Variants in CCDC88C observed in about 807,000 individuals in gnomAD.
CCDC88C encodes protein Daple.
In CCDC88C, 131 loss-of-function variants were observed where a neutral mutation model predicts 198.8. The observed-to-expected ratio is 0.66, with a 90% CI of 0.57 to 0.76. CCDC88C has a LOEUF of 0.76. CCDC88C is among the 30% of genes least tolerant of loss of function. The pLI, the probability that CCDC88C is intolerant of heterozygous loss-of-function variation, is 0.00. For missense variants in CCDC88C, 2,553 were observed against 2,631.6 expected (o/e 0.97, Z 0.65); for synonymous variants, 1,166 against 1,114.7 (o/e 1.05, Z -0.92).
chr14:91,387,355 G>C (rs1885207037), intron 3 of CCDC88C, among the ~76,000 whole-genome samples: 1 of 152,158 alleles, frequency 6.6e-6, no homozygotes, highest in South Asian at 2.1e-4. Context: ...TGGAGGTTTG[G>C]CGAATTGGCT....
In CCDC88C at chr14:91,315,713, C is replaced by A. The variant is rs1339127240; in HGVS notation, c.1602G>T (p.Leu534=). The A allele has an allele frequency of 6.2e-7, 1 of 1,613,896 alleles. No homozygotes were observed. Among genetic ancestry groups the A allele is most frequent in the African/African-American group, 1.3e-5 (1 of 75,044 alleles). Residue 534 remains leucine, a synonymous_variant, in exon 14 of 30, where the codon CTG becomes CTT. Coordinates refer to ENST00000389857, the MANE Select transcript of CCDC88C (RefSeq NM_001080414.4). ...TCTGCAGCTGCTCCTTCTCTCTGAT[C>A]AGCTCCTCACTGAGGGTCTCCAGAT... ...NQDLETLSEE[L]IREKEQLQSD... is the part of the protein sequence containing the mutation.
rs948767508 is a variant in CCDC88C, at chr14:91,371,463, C to T, written c.271-11752G>A. 6.6e-6 allele frequency among the ~76,000 whole-genome samples: 1 copy of T among 152,054 alleles called. No homozygotes were observed. The highest frequency in any genetic ancestry group is 2.4e-5 in the African/African-American group (1 of 41,394). ...CATGTGCTGTCCAGGCCCAGCCAACCTCACCCGCCGGTGGCAGGAGTACAG... is the reference window on the plus strand; with the variant it reads ...CATGTGCTGTCCAGGCCCAGCCAACTTCACCCGCCGGTGGCAGGAGTACAG... On this transcript the variant is annotated intron_variant, in intron 3 of 29. Coordinates refer to ENST00000389857, the MANE Select transcript of CCDC88C (RefSeq NM_001080414.4). The surrounding 1 kb of genome is among the most constrained non-coding windows in gnomAD (Gnocchi z 4.2).
intron 4 of CCDC88C, among the ~76,000 whole-genome samples, chr14:91,357,337 G>A (rs543919630): frequency 2.0e-5 from 3 of 152,296 alleles, no homozygotes; most frequent in Non-Finnish European, 2.9e-5. Context: ...CTGCAGCCTC[G>A]ACCTCCTGGG....
chr14:91,308,220 C>T, intron 17 of CCDC88C, 131 bp downstream of exon 17: 1 of 1,060,812 alleles, frequency 9.4e-7, no homozygotes, highest in South Asian at 1.6e-5. Context: ...CCCTCAGTCA[C>T]TCTGTGGCGC....
chr14:91,334,687 CTT>C (rs1892976497), intron 10 of CCDC88C, among the ~76,000 whole-genome samples: 6 of 148,538 alleles, frequency 4.0e-5, no homozygotes, highest in East Asian at 1.9e-4. Context: ...TGGGCACACA[CTT>C]ATTTATTAAA....
intron 2 of CCDC88C, among the ~76,000 whole-genome samples, chr14:91,410,395 A>G (rs1023037890): frequency 6.6e-6 from 1 of 152,176 alleles, no homozygotes; most frequent in Admixed American, 6.5e-5. Context: ...AATCAATCTC[A>G]ATGCCATCTG....
At position 91,339,300 on chromosome 14, in the gene CCDC88C, G is replaced by C. The variant is rs375581445; in HGVS notation, c.787C>G (p.Leu263Val). 1.9e-6 allele frequency: 3 copies of C among 1,613,012 alleles called. No homozygotes were observed. The highest frequency in any genetic ancestry group is 2.7e-5 in the African/African-American group (2 of 74,926). ...CACAGCTCCTGCCTGACGCGCCGCA[G>C]CCTGGCCTTGGTGTCGGCCAGCTCT... Reference protein sequence around the residue: ...AVELADTKARLRRVRQELEDK... With the variant: ...AVELADTKARVRRVRQELEDK... The change falls in exon 8 of 30, where the codon CTG becomes GTG. Residue 263 changes from leucine (L) to valine (V), a missense_variant. Physicochemically the swap from Leu to Val is conservative, Grantham distance 32. Coordinates refer to ENST00000389857, the MANE Select transcript of CCDC88C (RefSeq NM_001080414.4). The surrounding 1 kb of genome is among the most constrained non-coding windows in gnomAD (Gnocchi z 5.8).
At chr14:91,291,784 T>C (rs1384198543) in intron 23 of CCDC88C, among the ~76,000 whole-genome samples, 1 of 152,098 alleles carries the variant, frequency 6.6e-6, no homozygotes, top group African/African-American at 2.4e-5. Context: ...TATTGGAAAT[T>C]GAGCCACTTT....
intron 4 of CCDC88C, among the ~76,000 whole-genome samples, chr14:91,357,583 T>A (rs1211784997): frequency 6.6e-6 from 1 of 152,106 alleles, no homozygotes; most frequent in East Asian, 1.9e-4. Flanking sequence ...GGCTGTCCCC[T>A]CCTTTTGCTC....
At position 91,355,381 on chromosome 14, in the gene CCDC88C, A is replaced by T. The variant is rs138999375; in HGVS notation, c.340+4261T>A. Among the ~76,000 whole-genome samples, 88 of 152,284 alleles carry T rather than the reference A, an allele frequency of 5.8e-4. No homozygotes were observed. In the East Asian group the frequency reaches 8.5e-3, roughly 15 times the overall value. ...CCTCACTATGGGGGCAGGCTCTTATAAGAGCCGTCATATAAAAGTGAGGGC... is the reference window on the plus strand; with the variant it reads ...CCTCACTATGGGGGCAGGCTCTTATTAGAGCCGTCATATAAAAGTGAGGGC... On this transcript the variant is annotated intron_variant, in intron 4 of 29. Coordinates refer to ENST00000389857, the MANE Select transcript of CCDC88C (RefSeq NM_001080414.4).
intron 2 of CCDC88C, among the ~76,000 whole-genome samples, chr14:91,415,530 G>A (rs1018237341): frequency 6.6e-6 from 1 of 152,152 alleles, no homozygotes; most frequent in African/African-American, 2.4e-5. Flanking sequence ...TTCGAGACCA[G>A]CCTAACATGG....
chr14:91,281,262 T>G, intron 27 of CCDC88C, 195 bp downstream of exon 27: 2 of 1,410,326 alleles, frequency 1.4e-6, no homozygotes, highest in Admixed American at 2.0e-5. Flanking sequence ...AGGTAGCGAA[T>G]TCCCCACCAC....
intron 3 of CCDC88C, among the ~76,000 whole-genome samples, chr14:91,386,409 C>T (rs1885148842): frequency 6.6e-6 from 1 of 152,024 alleles, no homozygotes; most frequent in South Asian, 2.1e-4. Context: ...TGCAGTGAGC[C>T]AAGATCACAC....
chr14:91,367,596 G>C (rs1451897880), intron 3 of CCDC88C, among the ~76,000 whole-genome samples: 2 of 152,148 alleles, frequency 1.3e-5, no homozygotes, highest in Non-Finnish European at 2.9e-5. Flanking sequence ...GCCTGTCTGG[G>C]AGGGAGGTAG....
chr14:91,289,587 C>A (rs1307979879), intron 24 of CCDC88C, among the ~76,000 whole-genome samples: 1 of 152,198 alleles, frequency 6.6e-6, no homozygotes, highest in Non-Finnish European at 1.5e-5. Flanking sequence ...GACAGAAATC[C>A]ACTCTAGTCT....
At chr14:91,377,723 T>C (rs1041776203) in intron 3 of CCDC88C, among the ~76,000 whole-genome samples, 1 of 152,178 alleles carries the variant, frequency 6.6e-6, no homozygotes, top group African/African-American at 2.4e-5. Flanking sequence ...TACACAAGAT[T>C]GAAGTTTCTC....
chr14:91,417,597 AC>A, intron 1 of CCDC88C, 33 bp downstream of exon 1: 1 of 1,568,858 alleles, frequency 6.4e-7, no homozygotes, highest in Non-Finnish European at 8.6e-7. Flanking sequence ...AAGCCGGTGC[AC>A]CAACAAAGGG....
intron 3 of CCDC88C, among the ~76,000 whole-genome samples, chr14:91,367,377 G>C (rs1303762589): frequency 6.6e-6 from 1 of 152,174 alleles, no homozygotes; most frequent in Admixed American, 6.5e-5. Context: ...AAAGAATGCC[G>C]CTGTTGACCC....
intron 6 of CCDC88C, among the ~76,000 whole-genome samples, chr14:91,341,657 C>T (rs1248583744): frequency 6.6e-6 from 1 of 152,234 alleles, no homozygotes; most frequent in African/African-American, 2.4e-5. Context: ...GCACACAATG[C>T]TTATTTTGGA....
Sources: gnomAD v4.1 joint callset for allele counts (sites outside exome capture counted in the v4.1 genomes callset) on GRCh38, gnomAD v4.1.1 for gene constraint, Gnocchi (gnomAD v3.1) non-coding constraint, MANE v1.5 for transcripts, NCBI Gene and HGNC (gene_info 2026-07-23, HGNC 2026-07-21) for gene names.